The following DNAI4 variants were observed in gnomAD, a reference collection of about 807,000 sequenced individuals.
The protein encoded by DNAI4 is WD repeat domain 78.
In DNAI4, 85 loss-of-function variants were observed where a neutral mutation model predicts 105.8. The observed-to-expected ratio is 0.80, with a 90% confidence interval of 0.67 to 0.96. The LOEUF is 0.96. Ranked by LOEUF, DNAI4 falls within the 40% of genes least tolerant of loss-of-function variation. DNAI4 has a pLI of 0.00. For synonymous variants in DNAI4, 352 were observed against 331.5 expected, an observed-to-expected ratio of 1.06 and a Z score of -0.67; for missense variants, 1,014 against 1,005.6, an observed-to-expected ratio of 1.01 and a Z score of -0.11.
Position 66,924,747 on chromosome 1 carries a change from T to A in DNAI4, c.85A>T (p.Lys29Ter). 6.2e-7 allele frequency: 1 copy of A among 1,614,182 alleles called. No homozygotes were observed. Among genetic ancestry groups the A allele is most frequent in the Non-Finnish European group, 8.5e-7 (1 of 1,180,028 alleles). Residue 29 changes from lysine (K) to a stop codon, truncating the protein, a stop_gained, in exon 1 of 17, where the codon AAA becomes TAA. Transcript: ENST00000371026. LOFTEE classifies it high-confidence loss of function. ...WGYRDFRGGQ[K>*]KGWCTTPQLV... ...TGGGGAGTGGTGCACCACCCCTTTT[T>A]TTGGCCGCCTCTGAAGTCCCTGTAC...
intron 7 of DNAI4, among the ~76,000 whole-genome samples, chr1:66,855,823 G>A (rs1166688391): frequency 6.6e-6 from 1 of 152,038 alleles, no homozygotes; most frequent in Non-Finnish European, 1.5e-5. Context: ...TAAAGATATA[G>A]GTTTGTTGCA....
intron 16 of DNAI4, among the ~76,000 whole-genome samples, chr1:66,821,394 C>T (rs1390963016): frequency 1.3e-5 from 2 of 152,122 alleles, no homozygotes; most frequent in African/African-American, 4.8e-5. Context: ...CCACCGTGCC[C>T]AGCCTTCTCT....
At chr1:66,814,224 A>T (rs1473976692) in intron 16 of DNAI4, 44 bp from the exon 17 acceptor site, 1 of 1,475,442 alleles carries the variant, frequency 6.8e-7, no homozygotes, top group African/African-American at 1.4e-5. Flanking sequence ...TAAAATGCAA[A>T]TTAAAAGGTA....
intron 1 of DNAI4, among the ~76,000 whole-genome samples, chr1:66,912,461 C>G (rs1011759553): frequency 6.6e-6 from 1 of 151,660 alleles, no homozygotes; most frequent in Non-Finnish European, 1.5e-5. Context: ...CAGAGTGCGA[C>G]TGTGTCTCAA....
At chr1:66,839,649 C>T (rs1400530432) in intron 9 of DNAI4, among the ~76,000 whole-genome samples, 1 of 152,114 alleles carries the variant, frequency 6.6e-6, no homozygotes, top group Non-Finnish European at 1.5e-5. Flanking sequence ...ATCTTCAGAA[C>T]CAGTTTATAA....
rs1186353520 is a variant in DNAI4 at position 66,813,521 on chromosome 1, C to G, written c.*609G>C. 2.0e-5 allele frequency: 3 copies of G among 152,298 alleles called. No homozygotes were observed. Among genetic ancestry groups the G allele is most frequent in the Non-Finnish European group, 4.4e-5 (3 of 68,032 alleles). 9.4% of individuals were successfully genotyped at this position (152,298 alleles called of 1,614,324 possible). ...TGTTGTGTCCCAGATGAATTTTTCT[C>G]ACTGAATTGGGAATGTGATAAGCGC... On this transcript the variant is annotated 3_prime_UTR_variant, in exon 17 of 17. Coordinates refer to ENST00000371026, the MANE Select transcript of DNAI4 (RefSeq NM_024763.5).
At chr1:66,886,689 TGA>T (rs1455523406) in intron 4 of DNAI4, among the ~76,000 whole-genome samples, 1 of 152,162 alleles carries the variant, frequency 6.6e-6, no homozygotes, top group Admixed American at 6.5e-5. Flanking sequence ...ACAATCTGAT[TGA>T]GTCTCAGACT....
Position 66,905,448 on chromosome 1 carries a change from T to C in DNAI4, c.171-73A>G, listed in dbSNP as rs145062802. 9.3e-4 allele frequency: 965 copies of C among 1,042,522 alleles called. 5 individuals carry two copies. In the African/African-American group the frequency reaches 0.013, roughly 14 times the overall value. The allele number at this position is 1,042,522 out of a possible 1,614,324, so 64.6% of individuals were successfully genotyped here. ...GAAAAATCAACCAACAATAAAAAAG[T>C]AGATTTCCTGTAAAAACATGTGAAC... is the stretch of plus-strand genomic sequence containing the variant. On this transcript the variant is annotated intron_variant, in intron 1 of 16. Coordinates refer to ENST00000371026, the MANE Select transcript of DNAI4 (RefSeq NM_024763.5).
intron 1 of DNAI4, chr1:66,921,506 T>G (rs1272257158): frequency 1.3e-5 from 2 of 152,226 alleles, no homozygotes; most frequent in Non-Finnish European, 2.9e-5. Flanking sequence ...CTGCAAAAAG[T>G]GAAGGTTATA....
intron 1 of DNAI4, among the ~76,000 whole-genome samples, chr1:66,906,386 G>A (rs986106460): frequency 6.6e-6 from 1 of 152,078 alleles, no homozygotes; most frequent in Non-Finnish European, 1.5e-5. Context: ...GAGCCTCCCT[G>A]AGATTATAAA....
chr1:66,845,059 G>C (rs1354624348), intron 8 of DNAI4, among the ~76,000 whole-genome samples: 1 of 151,890 alleles, frequency 6.6e-6, no homozygotes, highest in Non-Finnish European at 1.5e-5. Flanking sequence ...CGGGTGTGGT[G>C]GTGGGCGCCT....
intron 6 of DNAI4, among the ~76,000 whole-genome samples, chr1:66,864,309 TA>T (rs1646686454): frequency 6.6e-6 from 1 of 152,228 alleles, no homozygotes; most frequent in African/African-American, 2.4e-5. Flanking sequence ...TAATAATGAA[TA>T]ATTGTGACTT....
intron 4 of DNAI4, among the ~76,000 whole-genome samples, chr1:66,878,013 C>T (rs908264263): frequency 6.6e-6 from 1 of 152,102 alleles, no homozygotes; most frequent in Admixed American, 6.6e-5. Flanking sequence ...TCCCCCCTCT[C>T]TCTTTTACAT....
chr1:66,856,500 A>T (rs1478978885), intron 7 of DNAI4, among the ~76,000 whole-genome samples: 1 of 151,992 alleles, frequency 6.6e-6, no homozygotes, highest in Non-Finnish European at 1.5e-5. Flanking sequence ...ATAAAAAAAA[A>T]TTCTTATAAA....
chr1:66,840,119 T>C (rs981441018), intron 9 of DNAI4, among the ~76,000 whole-genome samples: 1 of 152,226 alleles, frequency 6.6e-6, no homozygotes, highest in Non-Finnish European at 1.5e-5. Flanking sequence ...AAATTTGGGC[T>C]CATCAGTTTT....
At chr1:66,865,276 T>C (rs1317928592) in intron 6 of DNAI4, among the ~76,000 whole-genome samples, 1 of 151,888 alleles carries the variant, frequency 6.6e-6, no homozygotes, top group Non-Finnish European at 1.5e-5. Flanking sequence ...ATGCAAAAAT[T>C]AGCCCAGCAT....
At chr1:66,887,819 T>C (rs1315633766) in intron 4 of DNAI4, among the ~76,000 whole-genome samples, 1 of 151,678 alleles carries the variant, frequency 6.6e-6, no homozygotes. Context: ...ATTAGCTGAG[T>C]GTGGTGGCAG....
intron 6 of DNAI4, among the ~76,000 whole-genome samples, chr1:66,869,578 G>A (rs1416721111): frequency 1.3e-5 from 2 of 152,124 alleles, no homozygotes; most frequent in African/African-American, 4.8e-5. Context: ...TTAAGGACTA[G>A]AAAAAGTTAC....
At chr1:66,918,779 GT>G (rs1390240049) in intron 1 of DNAI4, among the ~76,000 whole-genome samples, 3 of 152,034 alleles carry the variant, frequency 2.0e-5, no homozygotes, top group African/African-American at 7.2e-5. Flanking sequence ...CTTCTAAAAT[GT>G]TTTCTCCAAA....
Sources: allele counts gnomAD v4.1 joint callset (sites outside exome capture counted in the v4.1 genomes callset), GRCh38; gene constraint gnomAD v4.1.1; transcripts MANE v1.5; gene names NCBI Gene and HGNC (gene_info 2026-07-23, HGNC 2026-07-21).